The following HMGCLL1 variants were observed in gnomAD, a reference collection of about 807,000 sequenced individuals.
The protein encoded by HMGCLL1 is 3-hydroxy-3-methylglutaryl-CoA lyase like 1, also known as 3-hydroxymethyl-3-methylglutaryl-CoA lyase, cytoplasmic.
Under a neutral mutation model 39.1 loss-of-function variants are expected in HMGCLL1, and 36 were observed. The observed-to-expected ratio is 0.92, with a 90% CI of 0.71 to 1.22. The LOEUF (loss-of-function observed/expected upper bound fraction) is 1.22. Ranked by LOEUF, HMGCLL1 falls within the 50% of genes most tolerant of loss-of-function variation. HMGCLL1 has a pLI of 0.00. For missense variants in HMGCLL1, 451 were observed against 416.5 expected, an observed-to-expected ratio of 1.08 and a Z score of -0.72; for synonymous variants, 149 against 144.0, an observed-to-expected ratio of 1.03 and a Z score of -0.25.
intron 1 of HMGCLL1, among the ~76,000 whole-genome samples, chr6:55,567,018 T>G (rs1771250071): frequency 6.6e-6 from 1 of 152,118 alleles, no homozygotes; most frequent in African/African-American, 2.4e-5. Context: ...GTTTATGTCC[T>G]TGGGATAACA....
At chr6:55,497,140 T>C (rs1766622796) in intron 6 of HMGCLL1, among the ~76,000 whole-genome samples, 1 of 152,146 alleles carries the variant, frequency 6.6e-6, no homozygotes, top group African/African-American at 2.4e-5. Context: ...CATGGTATTT[T>C]GACAAAGACA....
intron 5 of HMGCLL1, among the ~76,000 whole-genome samples, chr6:55,510,444 T>C (rs1025049246): frequency 3.3e-5 from 5 of 151,350 alleles, no homozygotes; most frequent in African/African-American, 1.2e-4. Context: ...ATATACACCA[T>C]GGAATACTAT....
chr6:55,455,222 A>G (rs948769665), intron 7 of HMGCLL1, among the ~76,000 whole-genome samples: 41 of 152,228 alleles, frequency 2.7e-4, no homozygotes, highest in African/African-American at 9.9e-4. Flanking sequence ...TGATTTCTAA[A>G]TGACTTACCA....
the HMGCLL1 span, among the ~76,000 whole-genome samples, chr6:55,672,151 C>T: frequency 3.3e-5 from 5 of 151,710 alleles, no homozygotes; most frequent in East Asian, 9.7e-4. Context: ...ATATCAATAA[C>T]TGATCTTAAT....
chr6:55,508,917 T>C lies in HMGCLL1; in HGVS notation c.542+5131A>G, dbSNP rs1004769269. Among the ~76,000 whole-genome samples, 4 of 151,098 alleles carry C rather than the reference T, an allele frequency of 2.6e-5. No homozygotes were observed. The South Asian group carries it at 6.2e-4, about 24-fold the overall frequency. ...ATATTTAATAATGAAAAAGTATTAA[T>C]GCTAATTTCATGAGAAATGATTAAA... On this transcript the variant is annotated intron_variant, in intron 5 of 8. Coordinates refer to ENST00000274901, the MANE Select transcript of HMGCLL1 (RefSeq NM_001042406.2).
chr6:55,599,620 T>C, the HMGCLL1 span, among the ~76,000 whole-genome samples: 1 of 152,266 alleles, frequency 6.6e-6, no homozygotes, highest in African/African-American at 2.4e-5. Context: ...AAGTACTAAC[T>C]CCAATTACTA....
the HMGCLL1 span, among the ~76,000 whole-genome samples, chr6:55,620,492 T>C: frequency 6.6e-6 from 1 of 152,190 alleles, no homozygotes; most frequent in Non-Finnish European, 1.5e-5. Context: ...ATATCTTCTT[T>C]TGAGAAATGC....
At chr6:55,652,011 C>T in the HMGCLL1 span, among the ~76,000 whole-genome samples, 1 of 152,034 alleles carries the variant, frequency 6.6e-6, no homozygotes, top group Admixed American at 6.6e-5. Context: ...CTCTCCTGCC[C>T]TCCTCAATGA....
At chr6:55,629,951 C>T in the HMGCLL1 span, among the ~76,000 whole-genome samples, 5 of 152,256 alleles carry the variant, frequency 3.3e-5, no homozygotes, top group Non-Finnish European at 7.4e-5. Flanking sequence ...AGAAACTCTG[C>T]TAGGGCAGTG....
intron 5 of HMGCLL1, among the ~76,000 whole-genome samples, chr6:55,504,988 C>T (rs957741012): frequency 5.3e-5 from 8 of 151,474 alleles, no homozygotes; most frequent in South Asian, 2.1e-4. Context: ...CATATTGAAA[C>T]GAATCTTGCT....
chr6:55,478,961 A>G (rs1199729513), intron 7 of HMGCLL1, among the ~76,000 whole-genome samples: 1 of 151,600 alleles, frequency 6.6e-6, no homozygotes, highest in Non-Finnish European at 1.5e-5. Flanking sequence ...AAAAGGGAAT[A>G]CTATGGCTCT....
chr6:55,659,487 GA>G, the HMGCLL1 span, among the ~76,000 whole-genome samples: 2 of 151,884 alleles, frequency 1.3e-5, no homozygotes, highest in East Asian at 1.9e-4. Flanking sequence ...AATGTCAAAA[GA>G]AAATAACTGG....
At chr6:55,603,432 C>T in the HMGCLL1 span, among the ~76,000 whole-genome samples, 1 of 146,116 alleles carries the variant, frequency 6.8e-6, no homozygotes, top group Non-Finnish European at 1.5e-5. Context: ...ACTCTTGCTA[C>T]ACACAAATAT....
chr6:55,561,871 C>T (rs957882070), intron 1 of HMGCLL1, among the ~76,000 whole-genome samples: 1 of 152,026 alleles, frequency 6.6e-6, no homozygotes, highest in Non-Finnish European at 1.5e-5. Flanking sequence ...TCTTTCTTCA[C>T]TTGGACCATT....
At chr6:55,504,978 C>T (rs1435720422) in intron 5 of HMGCLL1, among the ~76,000 whole-genome samples, 2 of 151,518 alleles carry the variant, frequency 1.3e-5, no homozygotes, top group Non-Finnish European at 3.0e-5. Flanking sequence ...AATCATCAAC[C>T]ATATTGAAAC....
At chr6:55,626,459 G>A in the HMGCLL1 span, among the ~76,000 whole-genome samples, 4,448 of 152,124 alleles carry the variant, frequency 0.029, 234 homozygotes, top group African/African-American at 0.1. Flanking sequence ...TTTTGAAGTC[G>A]CAATTATAAT....
chr6:55,668,678 G>T, the HMGCLL1 span, among the ~76,000 whole-genome samples: 1 of 151,816 alleles, frequency 6.6e-6, no homozygotes, highest in Admixed American at 6.6e-5. Flanking sequence ...CCAAAAACCC[G>T]GAAGTGAACA....
the HMGCLL1 span, among the ~76,000 whole-genome samples, chr6:55,668,145 G>A: frequency 3.3e-5 from 5 of 151,812 alleles, no homozygotes; most frequent in African/African-American, 7.2e-5. Context: ...AAGGCATTTC[G>A]GGCTAAAATG....
the HMGCLL1 span, among the ~76,000 whole-genome samples, chr6:55,636,391 GTTCTCACTA>G: frequency 6.6e-6 from 1 of 152,084 alleles, no homozygotes; most frequent in Non-Finnish European, 1.5e-5. Flanking sequence ...ACAGTAACTT[GTTCTCACTA>G]AGAACAAAGG....
Sources: gnomAD v4.1 joint callset for allele counts (sites outside exome capture counted in the v4.1 genomes callset) on GRCh38, gnomAD v4.1.1 for gene constraint, MANE v1.5 for transcripts, NCBI Gene and HGNC (gene_info 2026-07-23, HGNC 2026-07-21) for gene names.